GPC5: variants seen among roughly 807,000 people sequenced by gnomAD.
GPC5 encodes glypican 5.
In GPC5, 47 loss-of-function variants were observed where a neutral mutation model predicts 53.9. The observed-to-expected ratio is 0.87, with a 90% confidence interval of 0.69 to 1.11. GPC5 has a LOEUF of 1.11. Ranked by LOEUF, GPC5 falls within the 50% of genes most tolerant of loss-of-function variation. The probability of loss-of-function intolerance (pLI) is 0.00; values close to 1 mark genes in which losing one functional copy is unlikely to be tolerated. For missense variants in GPC5, 748 were observed against 713.1 expected, an observed-to-expected ratio of 1.05 and a Z score of -0.56; for synonymous variants, 286 against 263.3, an observed-to-expected ratio of 1.09 and a Z score of -0.84.
intron 2 of GPC5, among the ~76,000 whole-genome samples, chr13:91,533,310 T>A (rs1160197649): frequency 6.6e-6 from 1 of 152,030 alleles, no homozygotes; most frequent in Non-Finnish European, 1.5e-5. Flanking sequence ...TCCAAAGGAG[T>A]GTTATAATCA....
intron 2 of GPC5, among the ~76,000 whole-genome samples, chr13:91,505,805 C>G (rs1420027859): frequency 6.6e-6 from 1 of 152,122 alleles, no homozygotes; most frequent in Non-Finnish European, 1.5e-5. Context: ...AACTGGAAAC[C>G]TTTTCCTCTG....
intron 7 of GPC5, among the ~76,000 whole-genome samples, chr13:92,224,788 A>C (rs1316033153): frequency 2.0e-5 from 3 of 152,204 alleles, no homozygotes; most frequent in African/African-American, 7.2e-5. Flanking sequence ...GAATTAGCAC[A>C]TCCTTTGTGG....
At chr13:92,837,205 AGAAAG>A (rs1187310162) in intron 7 of GPC5, among the ~76,000 whole-genome samples, 3 of 152,192 alleles carry the variant, frequency 2.0e-5, no homozygotes, top group Non-Finnish European at 4.4e-5. Flanking sequence ...TAGATCCGAG[AGAAAG>A]GAAATACACT....
At chr13:92,191,629 T>C (rs952273413) in intron 7 of GPC5, among the ~76,000 whole-genome samples, 4 of 152,204 alleles carry the variant, frequency 2.6e-5, no homozygotes, top group African/African-American at 9.6e-5. Flanking sequence ...TGCCATTTTG[T>C]AAGTGAATGA....
chr13:92,707,222 T>G (rs761807736), intron 7 of GPC5, among the ~76,000 whole-genome samples: 10 of 152,196 alleles, frequency 6.6e-5, no homozygotes, highest in Non-Finnish European at 1.2e-4. Context: ...CATATGTACA[T>G]TCAGTCTCCT....
chr13:92,633,441 A>C (rs140067170), intron 7 of GPC5, among the ~76,000 whole-genome samples: 1 of 152,250 alleles, frequency 6.6e-6, no homozygotes, highest in Non-Finnish European at 1.5e-5. Flanking sequence ...AGAAAAGCTG[A>C]GGGTTTTAAA....
At chr13:92,028,369 T>C (rs556481864) in intron 6 of GPC5, among the ~76,000 whole-genome samples, 2 of 152,276 alleles carry the variant, frequency 1.3e-5, no homozygotes, top group African/African-American at 4.8e-5. Flanking sequence ...TCAAATGCTG[T>C]CTGTTACATC....
intron 7 of GPC5, among the ~76,000 whole-genome samples, chr13:92,708,817 AT>A: frequency 8.0e-6 from 1 of 125,574 alleles, no homozygotes; most frequent in South Asian, 2.7e-4. Context: ...TGAAACTGTG[AT>A]TTACATGTGC....
intron 6 of GPC5, among the ~76,000 whole-genome samples, chr13:92,017,756 AAAT>A (rs1304755873): frequency 1.3e-5 from 2 of 151,788 alleles, no homozygotes; most frequent in Non-Finnish European, 2.9e-5. Context: ...CACTTCCACA[AAAT>A]AAACACACAC....
At chr13:91,728,488 G>A (rs377710659) in intron 3 of GPC5, 44 bp from the exon 4 acceptor site, 6 of 1,580,706 alleles carry the variant, frequency 3.8e-6, no homozygotes, top group Non-Finnish European at 5.2e-6. Flanking sequence ...TCAGAAAGGT[G>A]GAGTACGATT....
chr13:92,397,037 T>C (rs1875313850), intron 7 of GPC5, among the ~76,000 whole-genome samples: 1 of 152,254 alleles, frequency 6.6e-6, no homozygotes, highest in Non-Finnish European at 1.5e-5. Flanking sequence ...GGATCTTCAA[T>C]GTTAGCACTT....
chr13:91,910,268 T>C (rs891403396), intron 6 of GPC5, among the ~76,000 whole-genome samples: 2 of 152,184 alleles, frequency 1.3e-5, no homozygotes, highest in Non-Finnish European at 2.9e-5. Flanking sequence ...ATGGCTATTG[T>C]ACTGTCAATA....
At chr13:92,409,044 AAAT>A (rs1185923670) in intron 7 of GPC5, among the ~76,000 whole-genome samples, 7 of 152,018 alleles carry the variant, frequency 4.6e-5, no homozygotes, top group East Asian at 3.9e-4. Context: ...AAATATTAAT[AAAT>A]AATTTTAATA....
intron 2 of GPC5, among the ~76,000 whole-genome samples, chr13:91,516,712 C>A (rs1178765484): frequency 6.6e-6 from 1 of 152,238 alleles, no homozygotes; most frequent in Admixed American, 6.5e-5. Flanking sequence ...CATTTCCCTT[C>A]TGCACTGCCC....
intron 2 of GPC5, among the ~76,000 whole-genome samples, chr13:91,690,607 C>A (rs2035737686): frequency 6.6e-6 from 1 of 152,108 alleles, no homozygotes; most frequent in Non-Finnish European, 1.5e-5. Flanking sequence ...CCTGTTAGGG[C>A]TACTTAAAGA....
At position 91,767,263 on chromosome 13, in the gene GPC5, G is replaced by C. The variant is rs147498228; in HGVS notation, c.1280+10843G>C. Among the ~76,000 whole-genome samples the C allele has an allele frequency of 1.1e-3, 167 of 152,280 alleles. 2 individuals carry two copies. The highest frequency in any genetic ancestry group is 3.9e-3 in the African/African-American group (162 of 41,566). On this transcript the variant is annotated intron_variant, in intron 5 of 7. Transcript: ENST00000377067. ...TTGGATCTGAAAACTGAGAAATTATGTCTTAATGGGCAGTTCATCAGATAC... is the reference window on the plus strand; with the variant it reads ...TTGGATCTGAAAACTGAGAAATTATCTCTTAATGGGCAGTTCATCAGATAC...
At chr13:91,718,790 T>A (rs2036402149) in intron 3 of GPC5, among the ~76,000 whole-genome samples, 1 of 152,302 alleles carries the variant, frequency 6.6e-6, no homozygotes, top group South Asian at 2.1e-4. Flanking sequence ...AAGACCCTGG[T>A]TCCCAGTGAT....
chr13:92,227,171 T>C (rs1373276954), intron 7 of GPC5, among the ~76,000 whole-genome samples: 2 of 152,170 alleles, frequency 1.3e-5, no homozygotes, highest in Admixed American at 1.3e-4. Flanking sequence ...GACACGGAAA[T>C]ACCAAAGTGG....
chr13:92,640,493 C>T (rs905608958), intron 7 of GPC5, among the ~76,000 whole-genome samples: 2 of 152,144 alleles, frequency 1.3e-5, no homozygotes, highest in African/African-American at 4.8e-5. Flanking sequence ...GTCTCCTGAC[C>T]TCGTGATCCA....
Sources: allele counts gnomAD v4.1 joint callset (sites outside exome capture counted in the v4.1 genomes callset), GRCh38; gene constraint gnomAD v4.1.1; transcripts MANE v1.5; gene names NCBI Gene and HGNC (gene_info 2026-07-23, HGNC 2026-07-21).